MAGI2: variants seen among roughly 807,000 people sequenced by gnomAD.
The protein encoded by MAGI2 is membrane-associated guanylate kinase, WW and PDZ domain-containing protein 2.
MAGI2 carries 35 observed loss-of-function variants against 133.3 expected under a neutral mutation model. That is an observed-to-expected ratio of 0.26 (90% CI 0.20 to 0.35). The LOEUF (loss-of-function observed/expected upper bound fraction) is 0.35, where lower values mean the gene tolerates loss of function less well. MAGI2 is among the 10% of genes least tolerant of loss of function. The probability of loss-of-function intolerance (pLI) is 1.00; values close to 1 mark genes in which losing one functional copy is unlikely to be tolerated. For missense variants in MAGI2, 1,636 were observed against 1,863.4 expected, an observed-to-expected ratio of 0.88 and a Z score of 2.25; for synonymous variants, 729 against 710.6, an observed-to-expected ratio of 1.03 and a Z score of -0.41.
intron 21 of MAGI2, among the ~76,000 whole-genome samples, chr7:78,042,800 G>A (rs551642153): frequency 2.8e-4 from 43 of 152,298 alleles, no homozygotes; most frequent in South Asian, 1.9e-3. Context: ...AATTACTCCC[G>A]ATAAATAAGC....
At chr7:78,292,794 T>A (rs1796852546) in intron 9 of MAGI2, among the ~76,000 whole-genome samples, 1 of 152,146 alleles carries the variant, frequency 6.6e-6, no homozygotes, top group Non-Finnish European at 1.5e-5. Context: ...TCTACAACCA[T>A]CTGATCTTTG....
At chr7:78,098,625 T>C (rs1817930976) in intron 20 of MAGI2, among the ~76,000 whole-genome samples, 1 of 152,066 alleles carries the variant, frequency 6.6e-6, no homozygotes, top group African/African-American at 2.4e-5. Context: ...AGCAGTGGAG[T>C]TGCTGATTTG....
intron 2 of MAGI2, among the ~76,000 whole-genome samples, chr7:78,889,626 G>C (rs1323412946): frequency 2.0e-5 from 3 of 152,046 alleles, no homozygotes; most frequent in African/African-American, 2.4e-5. Context: ...TCCAGCCAAA[G>C]TAAGCTTCAT....
At chr7:78,271,271 G>T (rs1088561) in intron 9 of MAGI2, among the ~76,000 whole-genome samples, 83,179 of 150,336 alleles carry the variant, frequency 0.55, 25,443 homozygotes, top group African/African-American at 0.82. Flanking sequence ...GCATTATGTT[G>T]ATTGAACCAG....
Position 78,933,357 on chromosome 7 carries a change from A to G in MAGI2, c.418+73733T>C, listed in dbSNP as rs74467068. Reference sequence around the variant, plus strand: ...TTTAACAGCATGCTAGAAGCGGTGAACAGAGGCATGGAAGATTTCCCAGAA... The same window carrying G: ...TTTAACAGCATGCTAGAAGCGGTGAGCAGAGGCATGGAAGATTTCCCAGAA... On this transcript the variant is annotated intron_variant, in intron 2 of 21. Coordinates refer to ENST00000354212, the MANE Select transcript of MAGI2 (RefSeq NM_012301.4). 1.3e-4 allele frequency among the ~76,000 whole-genome samples: 20 copies of G among 152,288 alleles called. No homozygotes were observed. In the East Asian group the frequency reaches 3.1e-3, roughly 24 times the overall value.
At chr7:79,028,779 A>G (rs933593532) in intron 1 of MAGI2, among the ~76,000 whole-genome samples, 3 of 152,172 alleles carry the variant, frequency 2.0e-5, no homozygotes, top group Non-Finnish European at 4.4e-5. Context: ...GGAATGCTCC[A>G]TGTCATAAAA....
chr7:78,037,698 A>T (rs2960457), intron 21 of MAGI2, among the ~76,000 whole-genome samples: 4 of 152,010 alleles, frequency 2.6e-5, no homozygotes, highest in Non-Finnish European at 5.9e-5. Flanking sequence ...TTGAATTTTT[A>T]TAGGTGTGTG....
Position 78,083,831 on chromosome 7 carries a change from A to G in MAGI2, c.3568-4746T>C, listed in dbSNP as rs141808498. ...TTTGCCTATGGAAGGCCAAGGCAGG[A>G]GAAGGCAAACATCTCATAATTCCTT... On this transcript the variant is annotated intron_variant, in intron 20 of 21. Transcript: ENST00000354212. 2.2e-3 allele frequency among the ~76,000 whole-genome samples: 342 copies of G among 152,324 alleles called. 3 individuals carry two copies. The highest frequency in any genetic ancestry group is 3.2e-3 in the Non-Finnish European group (218 of 68,034).
intron 2 of MAGI2, among the ~76,000 whole-genome samples, chr7:78,657,574 T>C (rs1324300666): frequency 1.3e-5 from 2 of 152,208 alleles, no homozygotes; most frequent in Admixed American, 1.3e-4. Flanking sequence ...GGCTACATAC[T>C]GTATGATTCC....
chr7:78,598,335 G>C (rs939457633), intron 3 of MAGI2, among the ~76,000 whole-genome samples: 11 of 152,092 alleles, frequency 7.2e-5, no homozygotes, highest in African/African-American at 2.7e-4. Context: ...TGGGAGAAAG[G>C]AGTTAGTCTG....
intron 10 of MAGI2, among the ~76,000 whole-genome samples, chr7:78,207,718 G>T (rs1016370032): frequency 1.3e-5 from 2 of 152,142 alleles, no homozygotes; most frequent in African/African-American, 4.8e-5. Context: ...ACTGACCTAG[G>T]CTAAGAAAAG....
At chr7:78,773,511 C>T (rs1053101782) in intron 2 of MAGI2, among the ~76,000 whole-genome samples, 2 of 152,152 alleles carry the variant, frequency 1.3e-5, no homozygotes, top group Non-Finnish European at 2.9e-5. Flanking sequence ...GTGCTAGGCA[C>T]CATACTAAGC....
chr7:78,235,406 A>G lies in MAGI2; in HGVS notation c.2047+20537T>C, dbSNP rs187437125. 3.8e-4 allele frequency among the ~76,000 whole-genome samples: 58 copies of G among 152,334 alleles called. 1 individual carries two copies. The highest frequency in any genetic ancestry group is 2.1e-3 in the Admixed American group (32 of 15,302). ...TGTGGTTTGGCTGTGTCCCCACCCA[A>G]GTCTCATCTTGAACTGTAGTTCCCA... On this transcript the variant is annotated intron_variant, in intron 10 of 21. Coordinates refer to ENST00000354212, the MANE Select transcript of MAGI2 (RefSeq NM_012301.4).
At chr7:79,120,653 C>A (rs893779549) in intron 1 of MAGI2, among the ~76,000 whole-genome samples, 1 of 151,922 alleles carries the variant, frequency 6.6e-6, no homozygotes, top group Non-Finnish European at 1.5e-5. Flanking sequence ...AAGAGTCTAA[C>A]AAGTAGAAGA....
At chr7:79,416,390 A>AG (rs751421075) in intron 1 of MAGI2, among the ~76,000 whole-genome samples, 1 of 151,974 alleles carries the variant, frequency 6.6e-6, no homozygotes, top group South Asian at 2.1e-4. Flanking sequence ...GAGAGAAGGA[A>AG]GGGGGGAAGA....
intron 21 of MAGI2, 87 bp from the exon 22 acceptor site, chr7:78,020,063 G>T (rs1360624598): frequency 4.1e-6 from 5 of 1,227,238 alleles, no homozygotes; most frequent in Non-Finnish European, 5.5e-6. Flanking sequence ...GCAGGCAGCT[G>T]GGGCGATTGC....
At chr7:78,679,427 T>C (rs935450732) in intron 2 of MAGI2, among the ~76,000 whole-genome samples, 6 of 152,158 alleles carry the variant, frequency 3.9e-5, no homozygotes, top group African/African-American at 1.2e-4. Context: ...TAGCAAATAT[T>C]TGTTAGGTAA....
intron 2 of MAGI2, among the ~76,000 whole-genome samples, chr7:78,928,965 T>A (rs1799912512): frequency 6.6e-6 from 1 of 152,044 alleles, no homozygotes; most frequent in African/African-American, 2.4e-5. Flanking sequence ...AAATGCCCTA[T>A]AAATTATTAA....
chr7:78,336,786 A>T (rs1789816756), intron 9 of MAGI2, among the ~76,000 whole-genome samples: 1 of 92,214 alleles, frequency 1.1e-5, no homozygotes, highest in Non-Finnish European at 2.4e-5. Flanking sequence ...GAAGAAAAGA[A>T]AGAAGAAAAA....
Sources: gnomAD v4.1 joint callset for allele counts (sites outside exome capture counted in the v4.1 genomes callset) on GRCh38, gnomAD v4.1.1 for gene constraint, MANE v1.5 for transcripts, NCBI Gene and HGNC (gene_info 2026-07-23, HGNC 2026-07-21) for gene names.